SECISBP2: variants seen among roughly 807,000 people sequenced by gnomAD.
The protein encoded by SECISBP2 is SECIS binding protein 2.
A neutral mutation model predicts 98.2 loss-of-function variants in SECISBP2; 96 were observed. The observed-to-expected ratio is 0.98, with a 90% confidence interval of 0.83 to 1.16. The LOEUF is 1.16. Among genes scored for constraint, SECISBP2 ranks in the 50% most tolerant of loss-of-function variants. The pLI is 0.00. For synonymous variants in SECISBP2, 407 were observed against 370.2 expected, an observed-to-expected ratio of 1.10 and a Z score of -1.14; for missense variants, 1,046 against 1,022.9, an observed-to-expected ratio of 1.02 and a Z score of -0.31.
At chr9:89,319,897 A>G in intron 2 of SECISBP2, 100 bp downstream of exon 2, 1 of 1,206,320 alleles carries the variant, frequency 8.3e-7, no homozygotes, top group Non-Finnish European at 1.2e-6. Context: ...AAAGTTCTGC[A>G]GATGATGAGA....
At chr9:89,362,138 C>G, downstream of SECISBP2, 1 of 586,570 alleles carries the variant, frequency 1.7e-6, no homozygotes, top group Non-Finnish European at 3.0e-6. Context: ...TGGTTACCTG[C>G]TTGTGCCAGA....
downstream of SECISBP2, chr9:89,364,560 C>G (rs974312448): frequency 3.7e-5 from 6 of 161,870 alleles, no homozygotes; most frequent in African/African-American, 1.4e-4. Flanking sequence ...CCGAGTGCAG[C>G]ACATCCAGGA....
intron 10 of SECISBP2, among the ~76,000 whole-genome samples, chr9:89,346,385 A>G (rs1830421419): frequency 6.6e-6 from 1 of 152,244 alleles, no homozygotes; most frequent in South Asian, 2.1e-4. Flanking sequence ...TTAACTAGAA[A>G]TATTACTAGA....
intron 14 of SECISBP2, among the ~76,000 whole-genome samples, chr9:89,353,326 C>G (rs1198699822): frequency 6.6e-6 from 1 of 152,200 alleles, no homozygotes; most frequent in Non-Finnish European, 1.5e-5. Context: ...CTCTGTCTCC[C>G]CTAGGGCTGG....
chr9:89,347,148 G>T (rs1324449898), intron 11 of SECISBP2, 100 bp downstream of exon 11: 5 of 1,226,896 alleles, frequency 4.1e-6, no homozygotes, highest in African/African-American at 1.5e-5. Flanking sequence ...TTTACGACTT[G>T]TATTACTTGA....
At chr9:89,321,658 T>A (rs1467101657) in intron 2 of SECISBP2, among the ~76,000 whole-genome samples, 1 of 150,218 alleles carries the variant, frequency 6.7e-6, no homozygotes, top group Non-Finnish European at 1.5e-5. Context: ...AGAACAAGAC[T>A]CTCTCTCAAA....
chr9:89,362,438 C>T (rs745830479), downstream of SECISBP2: 13 of 1,613,896 alleles, frequency 8.1e-6, no homozygotes, highest in South Asian at 9.9e-5. Context: ...CCTGAAAGAA[C>T]AATGTGGTCT....
At chr9:89,358,674 C>T (rs755663318) in intron 16 of SECISBP2, 47 bp from the exon 17 acceptor site, 1 of 1,286,238 alleles carries the variant, frequency 7.8e-7, no homozygotes, top group Admixed American at 1.7e-5. Flanking sequence ...AGGAGTTTTC[C>T]TACTTGTTGA....
downstream of SECISBP2, chr9:89,363,388 T>G (rs781409763): frequency 6.3e-7 from 1 of 1,593,070 alleles, no homozygotes; most frequent in African/African-American, 1.3e-5. Context: ...GCCCTGCCCC[T>G]GGCTCCAGCC....
At chr9:89,346,392 T>C (rs1830422692) in intron 10 of SECISBP2, among the ~76,000 whole-genome samples, 1 of 152,184 alleles carries the variant, frequency 6.6e-6, no homozygotes, top group African/African-American at 2.4e-5. Context: ...GAAATATTAC[T>C]AGAATCTTAT....
At chr9:89,323,471 CAT>C (rs1826156858) in intron 2 of SECISBP2, 1 of 152,602 alleles carries the variant, frequency 6.6e-6, no homozygotes, top group African/African-American at 2.4e-5. Context: ...CTTTTCAAGT[CAT>C]GTGATGGTCA....
At chr9:89,354,170 A>G (rs925716441) in intron 14 of SECISBP2, among the ~76,000 whole-genome samples, 6 of 152,202 alleles carry the variant, frequency 3.9e-5, no homozygotes, top group Non-Finnish European at 7.3e-5. Flanking sequence ...TCATCTCACT[A>G]ATAACGGGTT....
intron 9 of SECISBP2, 118 bp downstream of exon 9, chr9:89,340,071 A>G: frequency 1.4e-6 from 1 of 728,504 alleles, no homozygotes; most frequent in South Asian, 1.5e-5. Flanking sequence ...TTTTGTTTTG[A>G]TTCATTCCTT....
At chr9:89,340,621 C>G (rs1414842918) in intron 9 of SECISBP2, among the ~76,000 whole-genome samples, 1 of 152,202 alleles carries the variant, frequency 6.6e-6, no homozygotes, top group East Asian at 1.9e-4. Flanking sequence ...TTCCATGTAG[C>G]AGGCCTCCTT....
At position 89,318,539 on chromosome 9, in the gene SECISBP2, C is replaced by A; in HGVS notation, c.-38C>A. 6.6e-7 allele frequency: 1 copy of A among 1,512,412 alleles called. No individual in the cohort carries two copies. Among genetic ancestry groups the A allele is most frequent in the Non-Finnish European group, 8.8e-7 (1 of 1,135,764 alleles). The allele number at this position is 1,512,412 out of a possible 1,614,324, so 93.7% of individuals were successfully genotyped here. A position where few individuals can be genotyped will look rare whatever the true frequency, so the allele number is the denominator to read the frequency against. ...TGTCCGGCAAGCCGACGGCCCGCTGCTGGCCTCCGTGACGCGGCCTCCTCC... is the reference window on the plus strand; with the variant it reads ...TGTCCGGCAAGCCGACGGCCCGCTGATGGCCTCCGTGACGCGGCCTCCTCC... On this transcript the variant is annotated 5_prime_UTR_variant, in exon 1 of 17. The change creates a new upstream start codon in the 5' untranslated region. Transcript: ENST00000375807.
At chr9:89,322,692 G>C (rs778743327) in intron 2 of SECISBP2, 4 of 152,142 alleles carry the variant, frequency 2.6e-5, no homozygotes, top group Non-Finnish European at 4.4e-5. Context: ...AGAACTAGTG[G>C]TATACAACAT....
intron 6 of SECISBP2, chr9:89,333,993 C>T (rs1828205896): frequency 2.0e-6 from 2 of 1,025,058 alleles, no homozygotes; most frequent in South Asian, 7.5e-5. Flanking sequence ...TGCCTGTGTC[C>T]TGATAGATGT....
At chr9:89,337,839 A>G (rs561055109) in intron 7 of SECISBP2, among the ~76,000 whole-genome samples, 1 of 152,326 alleles carries the variant, frequency 6.6e-6, no homozygotes, top group African/African-American at 2.4e-5. Flanking sequence ...TGAAGAGAAA[A>G]CCATGGGCAG....
chr9:89,365,740 C>T, the SECISBP2 span: 1 of 152,250 alleles, frequency 6.6e-6, no homozygotes, highest in Non-Finnish European at 1.5e-5. Context: ...CATCCAGTTA[C>T]AGGTATTAAA....
Sources: allele counts gnomAD v4.1 joint callset (sites outside exome capture counted in the v4.1 genomes callset), GRCh38; gene constraint gnomAD v4.1.1; transcripts MANE v1.5; gene names NCBI Gene and HGNC (gene_info 2026-07-23, HGNC 2026-07-21).